NCOR2: variants seen among roughly 807,000 people sequenced by gnomAD.
The protein encoded by NCOR2 is CTG repeat protein 26.
NCOR2 carries 81 observed loss-of-function variants against 262.9 expected under a neutral mutation model. That is an observed-to-expected ratio of 0.31 (90% CI 0.26 to 0.37). NCOR2 has a LOEUF of 0.37. Ranked by LOEUF, NCOR2 falls within the 10% of genes least tolerant of loss-of-function variation. The pLI, the probability that NCOR2 is intolerant of heterozygous loss-of-function variation, is 1.00. For missense variants in NCOR2, 3,385 were observed against 3,621.4 expected (o/e 0.93, Z 1.68); for synonymous variants, 1,659 against 1,559.3 (o/e 1.06, Z -1.51).
At position 124,342,104 on chromosome 12, in the gene NCOR2, C is replaced by A. The variant is rs767228772; in HGVS notation, c.4937-30G>T. The A allele has an allele frequency of 2.4e-5, 38 of 1,586,882 alleles. No homozygotes were observed. The Admixed American group carries it at 5.8e-4, about 24-fold the overall frequency. On this transcript the variant is annotated intron_variant, in intron 33 of 46. Coordinates refer to ENST00000405201, the Ensembl canonical transcript of NCOR2. ...GGGGCAGAGGGGAGCTCATGTGAGG[C>A]CAGCCATACCTAGGCCTGATGGTGT...
intron 1 of NCOR2, among the ~76,000 whole-genome samples, chr12:124,525,774 G>A (rs533707324): frequency 2.6e-5 from 4 of 152,332 alleles, no homozygotes; most frequent in Non-Finnish European, 4.4e-5. Context: ...AGCAGCTGCC[G>A]TGGAGTCAGG....
chr12:124,325,189 AAG>A (rs1484636040), exon 47 of NCOR2: 1 of 334,450 alleles, frequency 3.0e-6, no homozygotes, highest in Non-Finnish European at 5.4e-6. Flanking sequence ...TCCCCTGAGT[AAG>A]GTCTGCACAG....
chr12:124,411,016 A>T (rs530783169), intron 13 of NCOR2, among the ~76,000 whole-genome samples: 1 of 120,126 alleles, frequency 8.3e-6, no homozygotes, highest in East Asian at 2.9e-4. Context: ...GGAGAGACCC[A>T]GGGACAGGGT....
At chr12:124,507,378 C>T (rs1032327167) in intron 1 of NCOR2, among the ~76,000 whole-genome samples, 1 of 152,238 alleles carries the variant, frequency 6.6e-6, no homozygotes, top group Non-Finnish European at 1.5e-5. Flanking sequence ...AATTAAACAA[C>T]ACCTCCTCCA....
exon 41 of NCOR2, chr12:124,334,478 G>T (rs1437052822): frequency 1.4e-6 from 2 of 1,469,260 alleles, no homozygotes; most frequent in East Asian, 2.6e-5. Flanking sequence ...ATGGTCCGGG[G>T]GCGGGAGGTA....
intron 6 of NCOR2, among the ~76,000 whole-genome samples, chr12:124,453,329 G>C (rs1179486685): frequency 1.3e-5 from 2 of 152,188 alleles, no homozygotes; most frequent in Admixed American, 6.5e-5. Flanking sequence ...CCCCTGGGGG[G>C]ACTCACGCCA....
exon 35 of NCOR2, chr12:124,340,658 A>G (rs900561965): frequency 6.7e-7 from 1 of 1,497,762 alleles, no homozygotes. Context: ...CGCGGTGGGG[A>G]GGTAGGCAAG....
chr12:124,448,443 G>T (rs2045319251), intron 7 of NCOR2, among the ~76,000 whole-genome samples: 1 of 152,204 alleles, frequency 6.6e-6, no homozygotes, highest in Non-Finnish European at 1.5e-5. Flanking sequence ...CATCTGACAT[G>T]GGCCTTCTGT....
At chr12:124,478,397 G>A (rs956949798) in intron 3 of NCOR2, among the ~76,000 whole-genome samples, 3 of 152,140 alleles carry the variant, frequency 2.0e-5, no homozygotes, top group East Asian at 1.9e-4. Context: ...AACAAAGTTC[G>A]GTGAATTCCC....
chr12:124,553,812 A>AG (rs1245646085), intron 1 of NCOR2, among the ~76,000 whole-genome samples: 2 of 152,188 alleles, frequency 1.3e-5, no homozygotes. Flanking sequence ...CCTGCATGCC[A>AG]GGTTGCAGAA....
Position 124,457,292 on chromosome 12 carries a change from G to A in NCOR2, c.706-130C>T. ...GCATGCTGATCCTCAGCACGGGGGA[G>A]GGAGGCCCGGGGCCCCCTGCAGGCC... On this transcript the variant is annotated intron_variant, in intron 5 of 46. Transcript: ENST00000405201. This position sits in a 1 kb window ranked among gnomAD's most constrained non-coding sequence, Gnocchi z 4.0. 1 of 1,000,206 alleles carries A rather than the reference G, an allele frequency of 1.0e-6. No homozygotes were observed. The allele number at this position is 1,000,206 out of a possible 1,614,324, so 62.0% of individuals were successfully genotyped here.
chr12:124,334,856 A>G (rs2035738899), intron 40 of NCOR2: 1 of 610,670 alleles, frequency 1.6e-6, no homozygotes, highest in Admixed American at 3.0e-5. Context: ...AGCCCATGAC[A>G]CTGAGAAACC....
chr12:124,476,902 TAA>T lies in NCOR2; in HGVS notation c.412-3773_412-3772del, dbSNP rs60593594. Among the ~76,000 whole-genome samples, 57 of 142,510 alleles carry T rather than the reference TAA, an allele frequency of 4.0e-4. 1 individual carries two copies. The highest frequency in any genetic ancestry group is 1.3e-3 in the African/African-American group (47 of 37,204). 93.5% of individuals were successfully genotyped at this position (142,510 alleles called of 152,430 possible). A position where few individuals can be genotyped will look rare whatever the true frequency, so the allele number is the denominator to read the frequency against. ...CAACATAGCAAGACCCCATCTTTAT[TAA>T]AAAAAAAAAAAAAAAAGGAATGAAG... On this transcript the variant is annotated intron_variant, in intron 3 of 46. Coordinates refer to ENST00000405201, the Ensembl canonical transcript of NCOR2.
upstream of NCOR2, chr12:124,495,303 T>G (rs767689537): frequency 4.5e-6 from 7 of 1,567,004 alleles, no homozygotes; most frequent in Non-Finnish European, 6.0e-6. The surrounding 1 kb of genome is among the most constrained non-coding windows in gnomAD (Gnocchi z 4.4). Context: ...AGCTTTCTCT[T>G]AATCACCACC....
At position 124,432,177 on chromosome 12, in the gene NCOR2, G is replaced by C. The variant is rs1011015891; in HGVS notation, c.883-1390C>G. ...ATGCACACACAGGGTCTCGCAGGCA[G>C]ACATGATGGACACACATACACAGAG... On this transcript the variant is annotated intron_variant, in intron 8 of 46. Coordinates refer to ENST00000405201, the Ensembl canonical transcript of NCOR2. The surrounding 1 kb of genome is among the most constrained non-coding windows in gnomAD (Gnocchi z 5.1). Among the ~76,000 whole-genome samples, 3 of 151,870 alleles carry C rather than the reference G, an allele frequency of 2.0e-5. No homozygotes were observed. The highest frequency in any genetic ancestry group is 7.3e-5 in the African/African-American group (3 of 41,324).
chr12:124,502,398 G>T (rs1410525642), intron 1 of NCOR2, among the ~76,000 whole-genome samples: 1 of 152,174 alleles, frequency 6.6e-6, no homozygotes, highest in African/African-American at 2.4e-5. Flanking sequence ...ATGGCAGAAG[G>T]TGTTAGCACG....
intron 1 of NCOR2, among the ~76,000 whole-genome samples, chr12:124,488,124 T>A (rs969067703): frequency 1.3e-5 from 2 of 152,212 alleles, no homozygotes; most frequent in African/African-American, 4.8e-5. Context: ...TCTTTTGTTG[T>A]CTGGCTTTTT....
chr12:124,372,238 C>G, exon 20 of NCOR2: 1 of 1,596,352 alleles, frequency 6.3e-7, no homozygotes, highest in African/African-American at 1.3e-5. Context: ...CGTGCACTCG[C>G]TCTTGACGGG....
chr12:124,478,812 GACAC>G (rs1187002016), intron 3 of NCOR2, among the ~76,000 whole-genome samples: 2 of 152,058 alleles, frequency 1.3e-5, no homozygotes, highest in African/African-American at 2.4e-5. Flanking sequence ...CGTGGTGACA[GACAC>G]ACACAAACAG....
Sources: gnomAD v4.1 joint callset for allele counts (sites outside exome capture counted in the v4.1 genomes callset) on GRCh38, gnomAD v4.1.1 for gene constraint, Gnocchi (gnomAD v3.1) non-coding constraint, MANE v1.5 for transcripts, NCBI Gene and HGNC (gene_info 2026-07-23, HGNC 2026-07-21) for gene names.